The following DOCK10 variants were observed in gnomAD, a reference collection of about 807,000 sequenced individuals.
DOCK10 encodes the protein dedicator of cytokinesis protein 10.
A neutral mutation model predicts 280.1 loss-of-function variants in DOCK10; 145 were observed. The observed-to-expected ratio is 0.52, with a 90% CI of 0.45 to 0.59. The LOEUF is 0.59. Ranked by LOEUF, DOCK10 falls within the 20% of genes least tolerant of loss-of-function variation. The pLI is 0.00. For missense variants in DOCK10, 2,368 were observed against 2,651.7 expected, an observed-to-expected ratio of 0.89 and a Z score of 2.35; for synonymous variants, 915 against 942.2, an observed-to-expected ratio of 0.97 and a Z score of 0.53.
intron 7 of DOCK10, among the ~76,000 whole-genome samples, chr2:224,877,452 T>TTCCTATTCTATTGGAATAGGA (rs1698702206): frequency 6.6e-6 from 1 of 151,128 alleles, no homozygotes; most frequent in Admixed American, 6.6e-5. Context: ...TTGGAATAGG[T>TTCCTATTCTATTGGAATAGGA]TCCTATTCTA....
In DOCK10 at chr2:224,819,449, A is replaced by G. The variant is rs7572725; in HGVS notation, c.3264T>C (p.Leu1088=). ...NYISMFSSGD[L]KTLCQYKFDF... is the part of the protein sequence containing the mutation. ...CACTCCTGTACGTGGTTCTTACCTT[A>G]AGGTCACCGGAGGAGAACATGCTGA... The change falls in exon 29 of 56, where the codon CTT becomes CTC. Residue 1088 remains leucine, a synonymous_variant. Coordinates refer to ENST00000258390, the MANE Select transcript of DOCK10 (RefSeq NM_014689.3). 240,667 of 1,598,692 alleles carry G rather than the reference A, an allele frequency of 0.15. 26,788 individuals carry two copies. The highest frequency in any genetic ancestry group is 0.6 in the African/African-American group (44,169 of 74,164).
intron 50 of DOCK10, among the ~76,000 whole-genome samples, chr2:224,782,862 A>C (rs1293957185): frequency 6.6e-6 from 1 of 152,228 alleles, no homozygotes; most frequent in Non-Finnish European, 1.5e-5. Context: ...GGTAAGTTTT[A>C]CAGGGACATA....
At chr2:224,861,258 T>C (rs1004610623) in intron 14 of DOCK10, 2 of 152,236 alleles carry the variant, frequency 1.3e-5, no homozygotes, top group African/African-American at 4.8e-5. Flanking sequence ...AAAGTACTAT[T>C]CATGATCTAT....
chr2:224,905,584 ACT>A (rs1700575140), intron 3 of DOCK10, among the ~76,000 whole-genome samples: 1 of 152,242 alleles, frequency 6.6e-6, no homozygotes, highest in East Asian at 1.9e-4. Flanking sequence ...TGCTTTGGGC[ACT>A]CTGCCTGAAG....
At chr2:224,910,973 TC>T (rs141158847) in intron 3 of DOCK10, among the ~76,000 whole-genome samples, 34,297 of 126,828 alleles carry the variant, frequency 0.27, 4,356 homozygotes, top group Non-Finnish European at 0.33. Context: ...CCTTTCTCTC[TC>T]CCTTTTTTTT....
Position 224,967,295 on chromosome 2 carries a change from T to C in DOCK10, c.124-35627A>G, listed in dbSNP as rs2126194912. 2.0e-5 allele frequency among the ~76,000 whole-genome samples: 3 copies of C among 152,276 alleles called. 1 individual carries two copies. The Middle Eastern group carries it at 0.01, about 518-fold the overall frequency. On this transcript the variant is annotated intron_variant, in intron 1 of 55. Transcript: ENST00000258390. ...CGGGGTTTCACCGTGTTAGTCAGGA[T>C]GGTCTTTATCTCCTGACCTTGTGAT...
chr2:224,938,855 C>A (rs1702849078), intron 1 of DOCK10, among the ~76,000 whole-genome samples: 1 of 152,182 alleles, frequency 6.6e-6, no homozygotes, highest in Non-Finnish European at 1.5e-5. Flanking sequence ...CCCTGGAGAA[C>A]CTCTCAAATG....
intron 14 of DOCK10, among the ~76,000 whole-genome samples, chr2:224,858,246 A>C (rs1347108352): frequency 1.3e-5 from 2 of 152,182 alleles, no homozygotes; most frequent in African/African-American, 4.8e-5. Context: ...CCTTATCCAC[A>C]ACTCTGTCAT....
At chr2:225,002,623 A>G (rs1464497384) in intron 1 of DOCK10, among the ~76,000 whole-genome samples, 2 of 152,236 alleles carry the variant, frequency 1.3e-5, no homozygotes, top group African/African-American at 2.4e-5. Flanking sequence ...TAGTGAGACA[A>G]TGGCCACGCC....
At chr2:224,938,974 C>A (rs1465854578) in intron 1 of DOCK10, among the ~76,000 whole-genome samples, 2 of 152,186 alleles carry the variant, frequency 1.3e-5, no homozygotes, top group Admixed American at 1.3e-4. Flanking sequence ...TCTTGAACCA[C>A]ACAGTTTCAT....
rs1690456519 is a variant in DOCK10, at chr2:225,042,268, C to G, written c.107G>C (p.Ser36Thr). Residue 36 changes from serine (S) to threonine (T), a missense_variant, in exon 1 of 56, where the codon AGC becomes ACC. Coordinates refer to ENST00000258390, the MANE Select transcript of DOCK10 (RefSeq NM_014689.3). This position sits in a 1 kb window ranked among gnomAD's most constrained non-coding sequence, Gnocchi z 5.1. ...CGCACTCACCCGCTGCTGCTGCCGG[C>G]TGCTGACTGCCACCGCGGCGGCGGA... ...AASAAAVAVS[S>T]RQQQRQEKPR... 1 of 1,324,038 alleles carries G rather than the reference C, an allele frequency of 7.6e-7. No individual in the cohort carries two copies. The highest frequency in any genetic ancestry group is 3.4e-5 in the Admixed American group (1 of 29,110). The allele number at this position is 1,324,038 out of a possible 1,614,324, so 82.0% of individuals were successfully genotyped here.
intron 50 of DOCK10, among the ~76,000 whole-genome samples, chr2:224,782,417 T>G (rs946866158): frequency 6.6e-6 from 1 of 152,196 alleles, no homozygotes; most frequent in Non-Finnish European, 1.5e-5. Flanking sequence ...CTTGCTTTCA[T>G]GTTAAATACC....
intron 14 of DOCK10, among the ~76,000 whole-genome samples, 166 bp from the exon 15 acceptor site, chr2:224,857,148 A>G (rs1438154834): frequency 6.6e-6 from 1 of 152,218 alleles, no homozygotes; most frequent in African/African-American, 2.4e-5. Context: ...TATACAGTTT[A>G]TTTTTGTTAT....
In DOCK10 at chr2:224,965,832, G is replaced by A. The variant is rs114757598; in HGVS notation, c.124-34164C>T. 2.6e-3 allele frequency among the ~76,000 whole-genome samples: 401 copies of A among 152,290 alleles called. 1 individual carries two copies. The highest frequency in any genetic ancestry group is 8.8e-3 in the African/African-American group (364 of 41,548). ...AGTAACTTAAATTTTACCCATTTAT[G>A]TAGGAAGAGTCGGAAGGCATTATAT... On this transcript the variant is annotated intron_variant, in intron 1 of 55. Coordinates refer to ENST00000258390, the MANE Select transcript of DOCK10 (RefSeq NM_014689.3).
chr2:224,809,073 G>C (rs2125237875), intron 31 of DOCK10, among the ~76,000 whole-genome samples: 1 of 152,258 alleles, frequency 6.6e-6, no homozygotes. Context: ...CTGAATTATA[G>C]AGAAAAGACA....
At chr2:224,975,947 C>A (rs1705412616) in intron 1 of DOCK10, among the ~76,000 whole-genome samples, 1 of 152,094 alleles carries the variant, frequency 6.6e-6, no homozygotes, top group African/African-American at 2.4e-5. Context: ...GGGTGTGGAA[C>A]AAATACAGTG....
At chr2:224,896,537 C>G (rs1699997978) in intron 3 of DOCK10, among the ~76,000 whole-genome samples, 160 bp from the exon 4 acceptor site, 2 of 151,990 alleles carry the variant, frequency 1.3e-5, no homozygotes, top group South Asian at 4.2e-4. Context: ...GGCAAAACCC[C>G]AAAACTCCAT....
At chr2:224,949,473 G>A (rs1464208943) in intron 1 of DOCK10, among the ~76,000 whole-genome samples, 1 of 152,200 alleles carries the variant, frequency 6.6e-6, no homozygotes, top group Non-Finnish European at 1.5e-5. Context: ...ACCTTTCCTA[G>A]TTTTAAGAAG....
At chr2:224,965,857 TA>T (rs1704708599) in intron 1 of DOCK10, among the ~76,000 whole-genome samples, 1 of 152,242 alleles carries the variant, frequency 6.6e-6, no homozygotes, top group Non-Finnish European at 1.5e-5. Context: ...AGGCATTATA[TA>T]AAACTCTGTA....
Sources: gnomAD v4.1 joint callset for allele counts (sites outside exome capture counted in the v4.1 genomes callset) on GRCh38, gnomAD v4.1.1 for gene constraint, Gnocchi (gnomAD v3.1) non-coding constraint, MANE v1.5 for transcripts, NCBI Gene and HGNC (gene_info 2026-07-23, HGNC 2026-07-21) for gene names.